TOX3: variants seen among roughly 807,000 people sequenced by gnomAD.
TOX3 encodes the protein TOX high mobility group box family member 3.
A neutral mutation model predicts 64.3 loss-of-function variants in TOX3; 22 were observed. The observed-to-expected ratio is 0.34, with a 90% CI of 0.24 to 0.49. The LOEUF (loss-of-function observed/expected upper bound fraction) is 0.49, where lower values mean the gene tolerates loss of function less well. Among genes scored for constraint, TOX3 ranks in the 20% least tolerant of loss-of-function variants. The pLI, the probability that TOX3 is intolerant of heterozygous loss-of-function variation, is 0.99. For missense variants in TOX3, 661 were observed against 714.4 expected, an observed-to-expected ratio of 0.93 and a Z score of 0.85; for synonymous variants, 291 against 273.6, an observed-to-expected ratio of 1.06 and a Z score of -0.63.
chr16:52,513,358 C>G (rs1567344144), intron 1 of TOX3, among the ~76,000 whole-genome samples: 2 of 152,202 alleles, frequency 1.3e-5, no homozygotes, highest in East Asian at 1.9e-4. Context: ...ATCATTTCCT[C>G]TTTGTGTATT....
At chr16:52,453,227 A>G (rs1053963582) in intron 3 of TOX3, among the ~76,000 whole-genome samples, 10 of 148,070 alleles carry the variant, frequency 6.8e-5, no homozygotes, top group African/African-American at 2.5e-4. Context: ...TCTGTTGCCC[A>G]GGCTGGAGTG....
intron 1 of TOX3, among the ~76,000 whole-genome samples, chr16:52,481,787 T>C (rs1436607294): frequency 6.6e-6 from 1 of 152,230 alleles, no homozygotes; most frequent in Non-Finnish European, 1.5e-5. Context: ...TGTGATTTTA[T>C]GATTGCCGGA....
intron 3 of TOX3, among the ~76,000 whole-genome samples, chr16:52,457,957 A>G (rs948890280): frequency 1.3e-5 from 2 of 152,156 alleles, no homozygotes; most frequent in Non-Finnish European, 2.9e-5. Flanking sequence ...GCAAAATAAA[A>G]TTTTCAAGAG....
At chr16:52,462,554 A>G (rs1239890323) in intron 3 of TOX3, among the ~76,000 whole-genome samples, 3 of 152,114 alleles carry the variant, frequency 2.0e-5, no homozygotes, top group African/African-American at 7.2e-5. Context: ...TTTAACACAC[A>G]TTTAACTATT....
intron 2 of TOX3, among the ~76,000 whole-genome samples, chr16:52,464,434 T>C (rs1960793327): frequency 6.6e-6 from 1 of 152,232 alleles, no homozygotes; most frequent in Admixed American, 6.5e-5. Flanking sequence ...AGTTTTTTAA[T>C]GCCTACTTAA....
At chr16:52,495,758 C>A (rs562999391) in intron 1 of TOX3, among the ~76,000 whole-genome samples, 2 of 152,116 alleles carry the variant, frequency 1.3e-5, no homozygotes, top group Non-Finnish European at 2.9e-5. Flanking sequence ...GGCACTTGAT[C>A]CTAAAATTTC....
At chr16:52,527,114 G>A (rs1379990397) in intron 1 of TOX3, among the ~76,000 whole-genome samples, 1 of 151,920 alleles carries the variant, frequency 6.6e-6, no homozygotes, top group African/African-American at 2.4e-5. Flanking sequence ...AATATTTGAG[G>A]AATGAATGAA....
intron 1 of TOX3, among the ~76,000 whole-genome samples, chr16:52,485,234 GTA>G (rs1428035207): frequency 3.9e-4 from 44 of 112,752 alleles, no homozygotes; most frequent in African/African-American, 1.8e-3. Flanking sequence ...GTGTGTGTGT[GTA>G]TGTGTGTGTG....
chr16:52,509,231 T>C (rs1962238907), intron 1 of TOX3, among the ~76,000 whole-genome samples: 1 of 152,208 alleles, frequency 6.6e-6, no homozygotes, highest in Non-Finnish European at 1.5e-5. Context: ...TAAAAGATTT[T>C]TTTCCAACCT....
Position 52,439,318 on chromosome 16 carries a change from G to C in TOX3, c.1638C>G (p.Ala546=), listed in dbSNP as rs750012565. Residue 546 remains alanine, a synonymous_variant, in exon 7 of 7, where the codon GCC becomes GCG. Coordinates refer to ENST00000219746, the MANE Select transcript of TOX3 (RefSeq NM_001080430.4). ...GAGAGGCTGGCTGGGGGCTCCCGATGGCAGGGATGGGGGATGTTATCTGAG... is the reference window on the plus strand; with the variant it reads ...GAGAGGCTGGCTGGGGGCTCCCGATCGCAGGGATGGGGGATGTTATCTGAG... ...VASQITSPIP[A]IGSPQPASQQ... 6.2e-7 allele frequency: 1 copy of C among 1,613,612 alleles called. No individual in the cohort carries two copies. Among genetic ancestry groups the C allele is most frequent in the South Asian group, 1.1e-5 (1 of 91,046 alleles).
At chr16:52,523,100 G>A (rs144037607) in intron 1 of TOX3, among the ~76,000 whole-genome samples, 90 of 152,328 alleles carry the variant, frequency 5.9e-4, no homozygotes, top group African/African-American at 2.1e-3. Flanking sequence ...CAGGAGGACG[G>A]AGAGTATCAG....
intron 5 of TOX3, 28 bp from the exon 6 acceptor site, chr16:52,444,384 C>T: frequency 6.6e-7 from 1 of 1,507,030 alleles, no homozygotes; most frequent in Admixed American, 2.0e-5. Context: ...TTAGCACCAC[C>T]TTTAGCGTAT....
rs1433454882 is a variant in TOX3, at chr16:52,546,708, A to G, written c.16T>C (p.Tyr6His). 1.2e-5 allele frequency: 19 copies of G among 1,537,918 alleles called. No homozygotes were observed. The highest frequency in any genetic ancestry group is 1.7e-5 in the Non-Finnish European group (19 of 1,146,280). The change falls in exon 1 of 7, where the codon TAC becomes CAC. Residue 6 changes from tyrosine (Y) to histidine (H), a missense_variant. By Grantham distance (83) the Tyr-to-His change is moderately conservative. This residue lies in a region of TOX3 where 259 missense variants were observed against 261.2 expected (regional missense o/e 0.99). Transcript: ENST00000219746. Reference sequence around the variant, plus strand: ...GCAGGGTCCCCGGCCGCCGCGGGGTAGAACCTCACATCCATGCCGAAGCTG... The same window carrying G: ...GCAGGGTCCCCGGCCGCCGCGGGGTGGAACCTCACATCCATGCCGAAGCTG... MDVRF[Y>H]PAAAGDPASL...
chr16:52,501,279 G>T (rs1961992887), intron 1 of TOX3, among the ~76,000 whole-genome samples: 1 of 152,166 alleles, frequency 6.6e-6, no homozygotes, highest in Non-Finnish European at 1.5e-5. Flanking sequence ...ATGCAGGTTT[G>T]TTTATTTATT....
chr16:52,496,678 T>G (rs1206575448), intron 1 of TOX3, among the ~76,000 whole-genome samples: 1 of 152,216 alleles, frequency 6.6e-6, no homozygotes, highest in East Asian at 1.9e-4. Flanking sequence ...CAGATCCCAC[T>G]TTTATGGGAA....
intron 2 of TOX3, among the ~76,000 whole-genome samples, chr16:52,464,463 G>A (rs1960794237): frequency 1.3e-5 from 2 of 152,104 alleles, no homozygotes; most frequent in African/African-American, 4.8e-5. Flanking sequence ...ATCTGTCTTT[G>A]TTGTTAGTTG....
At chr16:52,474,603 T>G (rs561396188) in intron 1 of TOX3, among the ~76,000 whole-genome samples, 1 of 144,218 alleles carries the variant, frequency 6.9e-6, no homozygotes, top group South Asian at 2.2e-4. Flanking sequence ...GGTGACAAAG[T>G]GAGACCCTGT....
At chr16:52,509,033 A>G (rs912505970) in intron 1 of TOX3, among the ~76,000 whole-genome samples, 1 of 152,152 alleles carries the variant, frequency 6.6e-6, no homozygotes, top group Non-Finnish European at 1.5e-5. Context: ...TTTATTATTT[A>G]TTACCCCAGG....
intron 3 of TOX3, among the ~76,000 whole-genome samples, chr16:52,451,024 C>A (rs1029503217): frequency 6.6e-6 from 1 of 152,160 alleles, no homozygotes; most frequent in Non-Finnish European, 1.5e-5. Context: ...TGAGAGAAGG[C>A]GAAGCCATTC....
Sources: allele counts gnomAD v4.1 joint callset (sites outside exome capture counted in the v4.1 genomes callset), GRCh38; gene constraint gnomAD v4.1.1; regional missense constraint gnomAD v4.1.1; transcripts MANE v1.5; gene names NCBI Gene and HGNC (gene_info 2026-07-23, HGNC 2026-07-21).